LRRTM4: variants seen among roughly 807,000 people sequenced by gnomAD.
LRRTM4 encodes leucine-rich repeat transmembrane neuronal protein 4.
A neutral mutation model predicts 47.6 loss-of-function variants in LRRTM4; 25 were observed. The observed-to-expected ratio is 0.53, with a 90% confidence interval of 0.38 to 0.73. The LOEUF (loss-of-function observed/expected upper bound fraction) is 0.73. Among genes scored for constraint, LRRTM4 ranks in the 30% least tolerant of loss-of-function variants. The pLI, the probability that LRRTM4 is intolerant of heterozygous loss-of-function variation, is 0.00. For synonymous variants in LRRTM4, 311 were observed against 269.5 expected, an observed-to-expected ratio of 1.15 and a Z score of -1.51; for missense variants, 638 against 713.4, an observed-to-expected ratio of 0.89 and a Z score of 1.20.
chr2:77,039,060 A>G (rs1199244458), intron 3 of LRRTM4, among the ~76,000 whole-genome samples: 1 of 151,432 alleles, frequency 6.6e-6, no homozygotes, highest in Non-Finnish European at 1.5e-5. Flanking sequence ...CCATATTTAC[A>G]ATATAAAAAT....
At chr2:76,870,530 T>C (rs920158678) in intron 3 of LRRTM4, among the ~76,000 whole-genome samples, 2 of 152,160 alleles carry the variant, frequency 1.3e-5, no homozygotes, top group East Asian at 1.9e-4. Flanking sequence ...CTTAGGTATA[T>C]GGCAGGCCAA....
At chr2:77,237,763 G>A (rs534069466) in intron 3 of LRRTM4, among the ~76,000 whole-genome samples, 1 of 152,108 alleles carries the variant, frequency 6.6e-6, no homozygotes, top group African/African-American at 2.4e-5. Context: ...AATACACAGA[G>A]CTCTAACTAG....
intron 3 of LRRTM4, among the ~76,000 whole-genome samples, chr2:77,091,537 C>T (rs1349912021): frequency 6.6e-5 from 10 of 150,804 alleles, no homozygotes; most frequent in African/African-American, 2.5e-4. Flanking sequence ...AATTGTTTTG[C>T]CTGTCCACCC....
chr2:77,480,744 C>T lies in LRRTM4; in HGVS notation c.1551+37574G>A, dbSNP rs552128307. On this transcript the variant is annotated intron_variant, in intron 3 of 3. Coordinates refer to ENST00000409884, the MANE Select transcript of LRRTM4 (RefSeq NM_001134745.3). ...TCATGCAGCATCACTCTCCAACACT[C>T]TGACATTCAAAACAAACTTGCTATG... 8.0e-5 allele frequency among the ~76,000 whole-genome samples: 12 copies of T among 149,470 alleles called. No individual in the cohort carries two copies. The South Asian group carries it at 2.3e-3, about 29-fold the overall frequency.
chr2:76,928,739 T>C (rs1052751518), intron 3 of LRRTM4, among the ~76,000 whole-genome samples: 2 of 152,136 alleles, frequency 1.3e-5, no homozygotes, highest in African/African-American at 4.8e-5. Flanking sequence ...TTTAATCAGT[T>C]CATGATATTA....
intron 3 of LRRTM4, among the ~76,000 whole-genome samples, chr2:76,941,431 A>G (rs557964149): frequency 8.0e-4 from 122 of 152,238 alleles, no homozygotes; most frequent in African/African-American, 2.1e-3. Context: ...CGTCATCTAC[A>G]TTAGGTATTT....
At chr2:76,769,725 C>T (rs545692210) in intron 3 of LRRTM4, among the ~76,000 whole-genome samples, 7 of 152,040 alleles carry the variant, frequency 4.6e-5, no homozygotes, top group South Asian at 2.1e-4. Flanking sequence ...CCAGATGACT[C>T]GTATTTATAT....
intron 3 of LRRTM4, among the ~76,000 whole-genome samples, chr2:77,079,516 A>G (rs924403581): frequency 1.3e-5 from 2 of 152,076 alleles, no homozygotes; most frequent in African/African-American, 2.4e-5. Context: ...AAAACATGAG[A>G]TTTTTGCAAT....
intron 3 of LRRTM4, among the ~76,000 whole-genome samples, chr2:77,091,639 A>G (rs1214779042): frequency 6.8e-6 from 1 of 148,082 alleles, no homozygotes; most frequent in Non-Finnish European, 1.5e-5. Context: ...TTTCTTTACT[A>G]TTCCTTTGCA....
In LRRTM4 at chr2:77,355,950, G is replaced by A. The variant is rs114058655; in HGVS notation, c.1551+162368C>T. Among the ~76,000 whole-genome samples, 273 of 152,256 alleles carry A rather than the reference G, an allele frequency of 1.8e-3. 1 individual carries two copies. Among genetic ancestry groups the A allele is most frequent in the African/African-American group, 6.3e-3 (262 of 41,556 alleles). On this transcript the variant is annotated intron_variant, in intron 3 of 3. Transcript: ENST00000409884. Reference sequence around the variant, plus strand: ...TTTACAAACTACAAAAAAATTAGCTGGGCATTATGGCATGTGCCTGTAGTC... The same window carrying A: ...TTTACAAACTACAAAAAAATTAGCTAGGCATTATGGCATGTGCCTGTAGTC...
intron 3 of LRRTM4, among the ~76,000 whole-genome samples, chr2:76,872,038 G>A (rs920179174): frequency 2.6e-5 from 4 of 152,122 alleles, no homozygotes; most frequent in African/African-American, 9.7e-5. Flanking sequence ...AGCCATGTCT[G>A]GTCTTCTAAC....
intron 3 of LRRTM4, among the ~76,000 whole-genome samples, chr2:76,919,405 G>T (rs1674363770): frequency 6.6e-6 from 1 of 152,114 alleles, no homozygotes; most frequent in Non-Finnish European, 1.5e-5. Flanking sequence ...TATTCCAAGA[G>T]CTCAGAGTTC....
rs1476275474 is a variant in LRRTM4, at chr2:76,767,063, T to C, written c.1552-18147A>G. ...TAGTGGAGTGGTAAGAGATTCCTGT[T>C]GTTTCTGTTTGAATTTTTCACCACC... On this transcript the variant is annotated intron_variant, in intron 3 of 3. Transcript: ENST00000409884. Among the ~76,000 whole-genome samples, 3 of 152,196 alleles carry C rather than the reference T, an allele frequency of 2.0e-5. No homozygotes were observed. The East Asian group carries it at 5.8e-4, about 30-fold the overall frequency.
At chr2:77,407,526 G>A (rs1173972667) in intron 3 of LRRTM4, among the ~76,000 whole-genome samples, 1 of 147,652 alleles carries the variant, frequency 6.8e-6, no homozygotes, top group Non-Finnish European at 1.5e-5. Context: ...TTTGGCAGTT[G>A]AAGGTCAATG....
intron 3 of LRRTM4, among the ~76,000 whole-genome samples, chr2:76,986,945 A>G (rs1417214545): frequency 6.6e-6 from 1 of 151,978 alleles, no homozygotes; most frequent in Non-Finnish European, 1.5e-5. Flanking sequence ...ATAACTAGGT[A>G]GCATAAACTA....
intron 3 of LRRTM4, among the ~76,000 whole-genome samples, chr2:76,925,588 G>A (rs1478220398): frequency 6.6e-6 from 1 of 152,062 alleles, no homozygotes; most frequent in Non-Finnish European, 1.5e-5. Flanking sequence ...CAAGCTTCAG[G>A]CCATTTTCAA....
intron 3 of LRRTM4, among the ~76,000 whole-genome samples, chr2:77,138,597 G>A (rs1038084772): frequency 2.0e-5 from 3 of 152,134 alleles, no homozygotes; most frequent in Admixed American, 6.5e-5. Flanking sequence ...TCAAAAGCTA[G>A]CAGAAGGCAA....
At chr2:76,841,869 A>C (rs1573196927) in intron 3 of LRRTM4, among the ~76,000 whole-genome samples, 1 of 152,158 alleles carries the variant, frequency 6.6e-6, no homozygotes, top group African/African-American at 2.4e-5. Context: ...CACATATCAA[A>C]TCTGAAAAAA....
chr2:77,021,574 C>G (rs1476515993), intron 3 of LRRTM4, among the ~76,000 whole-genome samples: 1 of 152,138 alleles, frequency 6.6e-6, no homozygotes, highest in East Asian at 1.9e-4. Flanking sequence ...AAAGGTCACA[C>G]TATTTGTACT....
Sources: allele counts gnomAD v4.1 joint callset (sites outside exome capture counted in the v4.1 genomes callset), GRCh38; gene constraint gnomAD v4.1.1; transcripts MANE v1.5; gene names NCBI Gene and HGNC (gene_info 2026-07-23, HGNC 2026-07-21).